Variants in VRK2 observed in about 807,000 individuals in gnomAD.
VRK2 encodes the protein VRK serine/threonine kinase 2.
Under a neutral mutation model 57.6 loss-of-function variants are expected in VRK2, and 60 were observed. The observed-to-expected ratio is 1.04, with a 90% confidence interval of 0.85 to 1.29. The LOEUF (loss-of-function observed/expected upper bound fraction) is 1.29. Among genes scored for constraint, VRK2 ranks in the 50% most tolerant of loss-of-function variants. The pLI, the probability that VRK2 is intolerant of heterozygous loss-of-function variation, is 0.00. For missense variants in VRK2, 705 were observed against 588.1 expected (o/e 1.20, Z -2.06); for synonymous variants, 231 against 199.2 (o/e 1.16, Z -1.35).
chr2:58,119,990 A>T (rs759377353), intron 7 of VRK2, among the ~76,000 whole-genome samples: 61 of 151,646 alleles, frequency 4.0e-4, no homozygotes, highest in Admixed American at 2.0e-3. Flanking sequence ...CTCCAAGAAC[A>T]TTTCTCATTG....
intron 2 of VRK2, among the ~76,000 whole-genome samples, chr2:58,027,965 T>C (rs1673984633): frequency 6.6e-6 from 1 of 152,130 alleles, no homozygotes; most frequent in South Asian, 2.1e-4. Flanking sequence ...AACACTACAG[T>C]GTTTAACTGT....
At chr2:58,123,318 G>A (rs918909654) in intron 8 of VRK2, 85 bp downstream of exon 8, 1 of 1,499,032 alleles carries the variant, frequency 6.7e-7, no homozygotes, top group African/African-American at 1.5e-5. Context: ...AATGACCTTT[G>A]CATAGTCAGT....
At chr2:58,105,330 A>G (rs1389057424) in intron 7 of VRK2, among the ~76,000 whole-genome samples, 1 of 151,960 alleles carries the variant, frequency 6.6e-6, no homozygotes, top group Admixed American at 6.6e-5. Context: ...AATATCCAGA[A>G]TCTATAAGGA....
chr2:57,919,025 G>A (rs1670248047), intron 1 of VRK2, among the ~76,000 whole-genome samples: 1 of 151,978 alleles, frequency 6.6e-6, no homozygotes, highest in Non-Finnish European at 1.5e-5. Flanking sequence ...GACCATCTTG[G>A]TTAAAGTTTT....
chr2:58,157,301 T>TAAC (rs1339433243), intron 12 of VRK2, among the ~76,000 whole-genome samples: 1 of 152,192 alleles, frequency 6.6e-6, no homozygotes, highest in Non-Finnish European at 1.5e-5. Context: ...TCAAAGTTAA[T>TAAC]AACTATTCTA....
At chr2:58,056,031 A>G (rs913387569) in intron 2 of VRK2, among the ~76,000 whole-genome samples, 5 of 149,598 alleles carry the variant, frequency 3.3e-5, no homozygotes, top group African/African-American at 1.2e-4. Flanking sequence ...CATAAAATTG[A>G]GAACTCTAAA....
At chr2:58,058,757 T>A (rs973175742) in intron 2 of VRK2, among the ~76,000 whole-genome samples, 2 of 152,084 alleles carry the variant, frequency 1.3e-5, no homozygotes, top group Non-Finnish European at 2.9e-5. Flanking sequence ...GTGCATTGCA[T>A]GAATTATTTC....
At chr2:58,105,043 A>G (rs1674540096) in intron 7 of VRK2, among the ~76,000 whole-genome samples, 1 of 151,856 alleles carries the variant, frequency 6.6e-6, no homozygotes, top group South Asian at 2.1e-4. Context: ...ATCTCTCACC[A>G]TATACAACAG....
At chr2:58,025,621 T>C (rs183724779) in intron 1 of VRK2, 2 of 152,358 alleles carry the variant, frequency 1.3e-5, no homozygotes, top group East Asian at 3.9e-4. Flanking sequence ...TCTGACTTAG[T>C]TCTGACAGAG....
chr2:58,069,729 G>A (rs1400385094), intron 2 of VRK2, among the ~76,000 whole-genome samples: 3 of 152,042 alleles, frequency 2.0e-5, no homozygotes, highest in Non-Finnish European at 4.4e-5. Flanking sequence ...GAACCGAAAG[G>A]TGAAAAATAG....
chr2:58,058,292 A>T, intron 2 of VRK2: 1 of 460,168 alleles, frequency 2.2e-6, no homozygotes, highest in South Asian at 1.6e-5. Flanking sequence ...GCCTTTTAAT[A>T]GGGATGCTGT....
chr2:57,939,087 G>A (rs1558503503), intron 1 of VRK2, among the ~76,000 whole-genome samples: 2 of 152,148 alleles, frequency 1.3e-5, no homozygotes, highest in East Asian at 3.9e-4. Flanking sequence ...AGTAGAAAAG[G>A]GAAGAGCAGA....
rs1407687925 is a variant in VRK2 at position 58,049,085 on chromosome 2, T to C, written c.136+118T>C. 2.4e-6 allele frequency: 3 copies of C among 1,276,370 alleles called. No individual in the cohort carries two copies. The African/African-American group carries it at 4.5e-5, about 19-fold the overall frequency. 79.1% of individuals were successfully genotyped at this position (1,276,370 alleles called of 1,614,324 possible). Reference sequence around the variant, plus strand: ...CATATGTGTACTTTATTAAAATTCATGATTGTACTCGATTAAGTAATAATA... The same window carrying C: ...CATATGTGTACTTTATTAAAATTCACGATTGTACTCGATTAAGTAATAATA... On this transcript the variant is annotated intron_variant, in intron 2 of 12. Transcript: ENST00000340157.
At position 58,132,083 on chromosome 2, in the gene VRK2, A is replaced by G. The variant is rs2104542987; in HGVS notation, c.797+155A>G. The G allele has an allele frequency of 2.4e-5, 20 of 839,898 alleles. No homozygotes were observed. The South Asian group carries it at 4.1e-4, about 17-fold the overall frequency. The allele number at this position is 839,898 out of a possible 1,614,324, so 52.0% of individuals were successfully genotyped here. ...AAATATGTTTTAAAAAAACCAAACAACTAACACATAAAATCCATTAAGGTA... is the reference window on the plus strand; with the variant it reads ...AAATATGTTTTAAAAAAACCAAACAGCTAACACATAAAATCCATTAAGGTA... On this transcript the variant is annotated intron_variant, in intron 9 of 12. Coordinates refer to ENST00000340157, the MANE Select transcript of VRK2 (RefSeq NM_006296.7).
chr2:58,084,157 T>C lies in VRK2; in HGVS notation c.186+19T>C, dbSNP rs1437047080. Reference sequence around the variant, plus strand: ...AAAAGTGGTAAGTGTTGCTCATAGATTTGTATTTCACATATATTTGACTTT... The same window carrying C: ...AAAAGTGGTAAGTGTTGCTCATAGACTTGTATTTCACATATATTTGACTTT... On this transcript the variant is annotated intron_variant, in intron 3 of 12. Coordinates refer to ENST00000340157, the MANE Select transcript of VRK2 (RefSeq NM_006296.7). The C allele has an allele frequency of 2.4e-5, 38 of 1,589,904 alleles. No homozygotes were observed. Among genetic ancestry groups the C allele is most frequent in the Non-Finnish European group, 3.3e-5 (38 of 1,165,910 alleles).
chr2:58,041,101 T>C, intron 3 of VRK2: 2 of 981,552 alleles, frequency 2.0e-6, no homozygotes, highest in East Asian at 1.1e-4. Context: ...AGTGTAAATA[T>C]AGTCTTATAG....
rs60590670 is a variant in VRK2, at chr2:57,941,408, G to A, written c.-439+33569G>A. 7.4e-3 allele frequency among the ~76,000 whole-genome samples: 1,124 copies of A among 152,188 alleles called. 18 individuals are homozygous for A. The highest frequency in any genetic ancestry group is 0.025 in the African/African-American group (1,022 of 41,538). On this transcript the variant is annotated intron_variant, in intron 1 of 15. Transcript: ENST00000417641. ...TTAATTTGATCTACCATGAGCACCC[G>A]AAATAGAAATAATAAAAAACACCCT...
chr2:58,159,273 C>T, intron 12 of VRK2, 76 bp from the exon 13 acceptor site: 1 of 1,163,652 alleles, frequency 8.6e-7, no homozygotes, highest in African/African-American at 1.5e-5. Flanking sequence ...ATTTAGCATT[C>T]TTACACACTA....
chr2:57,915,263 A>G (rs961517828), intron 1 of VRK2, among the ~76,000 whole-genome samples: 1 of 152,190 alleles, frequency 6.6e-6, no homozygotes, highest in Non-Finnish European at 1.5e-5. Context: ...ACAATAGTGA[A>G]CTACACATGA....
Sources: allele counts gnomAD v4.1 joint callset (sites outside exome capture counted in the v4.1 genomes callset), GRCh38; gene constraint gnomAD v4.1.1; transcripts MANE v1.5; gene names NCBI Gene and HGNC (gene_info 2026-07-23, HGNC 2026-07-21).